The following CACNA2D1 variants were observed in gnomAD, a reference collection of about 807,000 sequenced individuals.
The protein encoded by CACNA2D1 is calcium voltage-gated channel auxiliary subunit alpha2delta 1.
Under a neutral mutation model 171.5 loss-of-function variants are expected in CACNA2D1, and 53 were observed. The observed-to-expected ratio is 0.31, with a 90% CI of 0.25 to 0.39. CACNA2D1 has a LOEUF of 0.39. Ranked by LOEUF, CACNA2D1 falls within the 10% of genes least tolerant of loss-of-function variation. CACNA2D1 has a pLI of 1.00. For synonymous variants in CACNA2D1, 442 were observed against 443.1 expected, an observed-to-expected ratio of 1.00 and a Z score of 0.03; for missense variants, 903 against 1,299.8, an observed-to-expected ratio of 0.69 and a Z score of 4.69.
intron 3 of CACNA2D1, among the ~76,000 whole-genome samples, chr7:82,226,537 T>A (rs1380552356): frequency 6.6e-6 from 1 of 152,104 alleles, no homozygotes; most frequent in East Asian, 1.9e-4. Flanking sequence ...ACATACTGAC[T>A]CTTCAGAGGG....
At chr7:82,055,930 G>GTATATATATATATATATATATATA (rs58786082) in intron 10 of CACNA2D1, among the ~76,000 whole-genome samples, 1,142 of 111,126 alleles carry the variant, frequency 0.01, 16 homozygotes, top group Non-Finnish European at 0.011. Context: ...GTGTGTGTGT[G>GTATATATATATATATATATATATA]TATATATATA....
At chr7:82,151,358 G>A (rs906384973) in intron 4 of CACNA2D1, among the ~76,000 whole-genome samples, 2 of 152,054 alleles carry the variant, frequency 1.3e-5, no homozygotes, top group Admixed American at 6.5e-5. Flanking sequence ...TACAGACAAA[G>A]TTGTACCAAG....
chr7:82,436,006 C>A (rs1054151834), intron 1 of CACNA2D1, among the ~76,000 whole-genome samples: 1 of 152,100 alleles, frequency 6.6e-6, no homozygotes, highest in Non-Finnish European at 1.5e-5. Flanking sequence ...GTACTTTTTC[C>A]TTGGTCATGC....
At chr7:82,381,983 T>C (rs776910352) in intron 1 of CACNA2D1, among the ~76,000 whole-genome samples, 2 of 152,220 alleles carry the variant, frequency 1.3e-5, no homozygotes, top group Non-Finnish European at 1.5e-5. Context: ...ATACTGCATA[T>C]TTCCTAATAG....
intron 19 of CACNA2D1, among the ~76,000 whole-genome samples, chr7:81,995,468 T>C (rs1386746764): frequency 4.6e-5 from 7 of 152,160 alleles, no homozygotes; most frequent in African/African-American, 1.4e-4. Context: ...ATAATAGAGT[T>C]GAGTCTCCTT....
At chr7:81,957,726 G>C (rs1247496682) in intron 38 of CACNA2D1, among the ~76,000 whole-genome samples, 1 of 152,056 alleles carries the variant, frequency 6.6e-6, no homozygotes, top group Non-Finnish European at 1.5e-5. Context: ...AGAAACACAA[G>C]ATATTATTAG....
At chr7:82,288,153 A>G (rs1479749185) in intron 3 of CACNA2D1, among the ~76,000 whole-genome samples, 2 of 151,914 alleles carry the variant, frequency 1.3e-5, no homozygotes, top group Non-Finnish European at 1.5e-5. Context: ...AGTTTTTTAT[A>G]TAAAGGTCTT....
At chr7:81,954,156 TTC>T (rs1347696790) in intron 38 of CACNA2D1, among the ~76,000 whole-genome samples, 1 of 152,130 alleles carries the variant, frequency 6.6e-6, no homozygotes, top group African/African-American at 2.4e-5. Context: ...TCAGCATTAT[TTC>T]TGTCCTATAG....
chr7:82,075,229 A>C (rs890894090), intron 7 of CACNA2D1, among the ~76,000 whole-genome samples: 1 of 152,160 alleles, frequency 6.6e-6, no homozygotes, highest in African/African-American at 2.4e-5. Flanking sequence ...TAAAAAAAAA[A>C]AAACCCTTAT....
intron 3 of CACNA2D1, among the ~76,000 whole-genome samples, chr7:82,181,244 C>T (rs1037795561): frequency 6.6e-6 from 1 of 151,906 alleles, no homozygotes; most frequent in Admixed American, 6.6e-5. Context: ...ATTTATGACA[C>T]ACCATGTCTG....
At chr7:82,225,594 A>G (rs1438592635) in intron 3 of CACNA2D1, among the ~76,000 whole-genome samples, 1 of 152,200 alleles carries the variant, frequency 6.6e-6, no homozygotes, top group Non-Finnish European at 1.5e-5. Flanking sequence ...ATTGGCATGA[A>G]TCATTGATAT....
intron 6 of CACNA2D1, among the ~76,000 whole-genome samples, chr7:82,095,156 A>G (rs892088516): frequency 6.6e-6 from 1 of 151,976 alleles, no homozygotes; most frequent in South Asian, 2.1e-4. Context: ...GTCATTCTGT[A>G]TGCTGTCTTC....
At chr7:82,065,997 C>A (rs1291351083) in intron 8 of CACNA2D1, among the ~76,000 whole-genome samples, 1 of 152,022 alleles carries the variant, frequency 6.6e-6, no homozygotes, top group African/African-American at 2.4e-5. Flanking sequence ...TAGTGAGGAA[C>A]AAATAAGTCT....
intron 12 of CACNA2D1, among the ~76,000 whole-genome samples, chr7:82,020,625 T>C (rs867516125): frequency 5.9e-5 from 9 of 152,108 alleles, no homozygotes; most frequent in South Asian, 2.1e-4. Context: ...AGTGGGTCTT[T>C]AGCCTTTTAT....
intron 24 of CACNA2D1, among the ~76,000 whole-genome samples, chr7:81,976,840 G>A (rs1411204250): frequency 6.6e-6 from 1 of 152,072 alleles, no homozygotes; most frequent in Non-Finnish European, 1.5e-5. Flanking sequence ...AGAAACAAAA[G>A]CGAGACTGTA....
chr7:82,196,436 T>C (rs1798859410), intron 3 of CACNA2D1, among the ~76,000 whole-genome samples: 1 of 152,086 alleles, frequency 6.6e-6, no homozygotes, highest in South Asian at 2.1e-4. Flanking sequence ...GTTGGATAGC[T>C]ACTGCATTGC....
intron 3 of CACNA2D1, among the ~76,000 whole-genome samples, chr7:82,223,669 T>C (rs1178613146): frequency 6.6e-6 from 1 of 152,174 alleles, no homozygotes; most frequent in Non-Finnish European, 1.5e-5. Flanking sequence ...AGGCCTTTTG[T>C]GTTGTTTTTT....
At chr7:82,249,376 A>G (rs2129311983) in intron 3 of CACNA2D1, among the ~76,000 whole-genome samples, 1 of 152,322 alleles carries the variant, frequency 6.6e-6, no homozygotes, top group South Asian at 2.1e-4. Context: ...AAAAGCACAC[A>G]ATAATCCGGG....
At chr7:82,256,810 C>T (rs1806365560) in intron 3 of CACNA2D1, among the ~76,000 whole-genome samples, 1 of 152,052 alleles carries the variant, frequency 6.6e-6, no homozygotes, top group Admixed American at 6.6e-5. Context: ...ATCTCTAAGG[C>T]ATTTAAAATA....
Sources: gnomAD v4.1 joint callset for allele counts (sites outside exome capture counted in the v4.1 genomes callset) on GRCh38, gnomAD v4.1.1 for gene constraint, MANE v1.5 for transcripts, NCBI Gene and HGNC (gene_info 2026-07-23, HGNC 2026-07-21) for gene names.